The following PCDH9 variants were observed in gnomAD, a reference collection of about 807,000 sequenced individuals.
The protein encoded by PCDH9 is protocadherin 9.
A neutral mutation model predicts 70.6 loss-of-function variants in PCDH9; 24 were observed. That is an observed-to-expected ratio of 0.34 (90% confidence interval 0.25 to 0.48). The LOEUF is 0.48. Among genes scored for constraint, PCDH9 ranks in the 20% least tolerant of loss-of-function variants. PCDH9 has a pLI of 0.99. For synonymous variants in PCDH9, 562 were observed against 558.5 expected (o/e 1.01, Z -0.09); for missense variants, 1,281 against 1,503.6 (o/e 0.85, Z 2.45).
intron 2 of PCDH9, among the ~76,000 whole-genome samples, chr13:67,195,744 CA>C (rs2089046269): frequency 6.6e-6 from 1 of 151,900 alleles, no homozygotes. Context: ...AAGCAAGATA[CA>C]AGATATTACA....
chr13:66,354,920 C>G (rs114400734), intron 4 of PCDH9, among the ~76,000 whole-genome samples: 3 of 152,028 alleles, frequency 2.0e-5, no homozygotes, highest in Non-Finnish European at 4.4e-5. Context: ...ATTTTTCGAA[C>G]CTTCATGTGC....
chr13:66,737,395 T>C (rs1227397482), intron 3 of PCDH9, among the ~76,000 whole-genome samples: 1 of 152,170 alleles, frequency 6.6e-6, no homozygotes, highest in African/African-American at 2.4e-5. Flanking sequence ...TAAAAGTTAT[T>C]GGTGGTTCTC....
intron 2 of PCDH9, among the ~76,000 whole-genome samples, chr13:67,141,632 A>G (rs9571718): frequency 0.6 from 91,458 of 151,300 alleles, 27,990 homozygotes; most frequent in African/African-American, 0.66. Context: ...TTAGAGATAG[A>G]GTTTCACTGT....
At chr13:67,172,809 T>C (rs1594610537) in intron 2 of PCDH9, among the ~76,000 whole-genome samples, 1 of 137,526 alleles carries the variant, frequency 7.3e-6, no homozygotes, top group Admixed American at 8.4e-5. Flanking sequence ...GCCCGGGAGG[T>C]GTAGGGTGCG....
intron 4 of PCDH9, among the ~76,000 whole-genome samples, chr13:66,569,588 C>G (rs1050752653): frequency 7.6e-4 from 116 of 152,050 alleles, no homozygotes; most frequent in African/African-American, 2.7e-3. Flanking sequence ...GGATACCATA[C>G]AAGCCATTCT....
At chr13:66,553,378 G>T (rs758804615) in intron 4 of PCDH9, among the ~76,000 whole-genome samples, 5 of 152,078 alleles carry the variant, frequency 3.3e-5, no homozygotes, top group Non-Finnish European at 7.4e-5. Context: ...TAAACTGTTG[G>T]ATAAGTTAAA....
chr13:66,354,833 T>G (rs530070577), intron 4 of PCDH9, among the ~76,000 whole-genome samples: 1 of 152,236 alleles, frequency 6.6e-6, no homozygotes, highest in African/African-American at 2.4e-5. Context: ...CTCATTCAAC[T>G]TTTGCCTGGA....
intron 3 of PCDH9, among the ~76,000 whole-genome samples, chr13:66,767,932 C>T (rs1161806757): frequency 2.6e-5 from 4 of 152,016 alleles, no homozygotes; most frequent in African/African-American, 9.7e-5. Flanking sequence ...TCGTCTAGTA[C>T]AGTGGGCAGA....
chr13:66,639,483 G>A (rs544382917), intron 3 of PCDH9, among the ~76,000 whole-genome samples: 1 of 152,288 alleles, frequency 6.6e-6, no homozygotes, highest in South Asian at 2.1e-4. Context: ...ACTGTAATTT[G>A]ACATTTGTTT....
At position 66,844,456 on chromosome 13, in the gene PCDH9, G is replaced by T. The variant is rs571330683; in HGVS notation, c.3138+59048C>A. Among the ~76,000 whole-genome samples the T allele has an allele frequency of 4.1e-3, 620 of 151,998 alleles. 3 individuals are homozygous for T. The highest frequency in any genetic ancestry group is 0.014 in the African/African-American group (565 of 41,480). On this transcript the variant is annotated intron_variant, in intron 3 of 4. Transcript: ENST00000377865. ...AAAAAATAGCTGGGCATGGTGGGGGGTGCCTGCAATCCCAGCTACTCAGGA... is the reference window on the plus strand; with the variant it reads ...AAAAAATAGCTGGGCATGGTGGGGGTTGCCTGCAATCCCAGCTACTCAGGA...
intron 4 of PCDH9, among the ~76,000 whole-genome samples, chr13:66,368,950 C>T (rs1266587292): frequency 6.6e-6 from 1 of 152,072 alleles, no homozygotes; most frequent in African/African-American, 2.4e-5. Context: ...TTCAACTACC[C>T]CCACACCGGG....
intron 4 of PCDH9, among the ~76,000 whole-genome samples, chr13:66,414,066 T>C (rs527342380): frequency 2.6e-5 from 4 of 152,064 alleles, no homozygotes; most frequent in Admixed American, 6.6e-5. Context: ...AAAATATATT[T>C]ATATCTTAAA....
chr13:66,446,783 T>C (rs895229611), intron 4 of PCDH9, among the ~76,000 whole-genome samples: 2 of 152,088 alleles, frequency 1.3e-5, no homozygotes, highest in African/African-American at 4.8e-5. Context: ...AACGAAGCTG[T>C]AGACTGTAAA....
chr13:66,537,599 G>A (rs1001148943), intron 4 of PCDH9, among the ~76,000 whole-genome samples: 1 of 151,996 alleles, frequency 6.6e-6, no homozygotes, highest in Non-Finnish European at 1.5e-5. Flanking sequence ...GGGAAACGTG[G>A]GAGATATGTG....
At chr13:66,864,074 A>G (rs1258164537) in intron 3 of PCDH9, among the ~76,000 whole-genome samples, 1 of 152,120 alleles carries the variant, frequency 6.6e-6, no homozygotes, top group East Asian at 1.9e-4. Flanking sequence ...CTCATTACCT[A>G]TCACGGAGGT....
chr13:66,404,018 AC>A (rs1478471363), intron 4 of PCDH9, among the ~76,000 whole-genome samples: 6 of 152,218 alleles, frequency 3.9e-5, no homozygotes, highest in Non-Finnish European at 8.8e-5. Context: ...AATGTCTGCA[AC>A]ACGGATAATG....
In PCDH9 at chr13:66,600,655, T is replaced by C. The variant is rs186796332; in HGVS notation, c.3340+30555A>G. 1.2e-4 allele frequency among the ~76,000 whole-genome samples: 14 copies of C among 113,476 alleles called. 2 individuals carry two copies. The highest frequency in any genetic ancestry group is 3.7e-4 in the African/African-American group (13 of 35,196). The allele number at this position is 113,476 out of a possible 152,430, so 74.4% of individuals were successfully genotyped here. ...TTTGTGCTTTATATTTTATTAACAG[T>C]AATTATGGATATTGGCATGGATGTC... On this transcript the variant is annotated intron_variant, in intron 4 of 4. Transcript: ENST00000377865.
intron 4 of PCDH9, among the ~76,000 whole-genome samples, chr13:66,516,542 T>C (rs1174060593): frequency 6.6e-6 from 1 of 152,112 alleles, no homozygotes; most frequent in Non-Finnish European, 1.5e-5. Context: ...CGGGGAATAA[T>C]AAGACAGTGT....
At chr13:66,691,893 G>T (rs2078492659) in intron 3 of PCDH9, among the ~76,000 whole-genome samples, 1 of 152,018 alleles carries the variant, frequency 6.6e-6, no homozygotes. Flanking sequence ...TTATATATTG[G>T]AGTCCTTTGA....
Sources: gnomAD v4.1 joint callset for allele counts (sites outside exome capture counted in the v4.1 genomes callset) on GRCh38, gnomAD v4.1.1 for gene constraint, MANE v1.5 for transcripts, NCBI Gene and HGNC (gene_info 2026-07-23, HGNC 2026-07-21) for gene names.